The following ADARB2 variants were observed in gnomAD, a reference collection of about 807,000 sequenced individuals.
ADARB2 encodes adenosine deaminase RNA specific B2 (inactive).
Under a neutral mutation model 62.2 loss-of-function variants are expected in ADARB2, and 25 were observed. The observed-to-expected ratio is 0.40, with a 90% confidence interval of 0.29 to 0.56. The LOEUF is 0.56. Among genes scored for constraint, ADARB2 ranks in the 20% least tolerant of loss-of-function variants. The pLI is 0.43. For missense variants in ADARB2, 1,071 were observed against 1,077.4 expected, an observed-to-expected ratio of 0.99 and a Z score of 0.08; for synonymous variants, 572 against 500.8, an observed-to-expected ratio of 1.14 and a Z score of -1.90.
At position 1,181,878 on chromosome 10, in the gene ADARB2, T is replaced by G. The variant is rs1400695110; in HGVS notation, c.*1315A>C. 1 of 152,214 alleles carries G rather than the reference T, an allele frequency of 6.6e-6. No individual in the cohort carries two copies. The allele number at this position is 152,214 out of a possible 1,614,324, so 9.4% of individuals were successfully genotyped here. On this transcript the variant is annotated 3_prime_UTR_variant, in exon 10 of 10. Coordinates refer to ENST00000381312, the MANE Select transcript of ADARB2 (RefSeq NM_018702.4). ...TGACAGCAGCTCGAGGTACATGGATTACGTAAAGATACTTGGAAAAGAGCC... is the reference window on the plus strand; with the variant it reads ...TGACAGCAGCTCGAGGTACATGGATGACGTAAAGATACTTGGAAAAGAGCC...
chr10:1,319,513 A>G (rs1272777471), intron 3 of ADARB2, among the ~76,000 whole-genome samples: 1 of 152,258 alleles, frequency 6.6e-6, no homozygotes, highest in Non-Finnish European at 1.5e-5. Context: ...AGACATATTC[A>G]GATAATAGCT....
intron 4 of ADARB2, among the ~76,000 whole-genome samples, chr10:1,257,614 A>C (rs1396467048): frequency 7.2e-5 from 11 of 152,244 alleles, no homozygotes; most frequent in African/African-American, 2.4e-4. Context: ...GGAGCAGCAG[A>C]AGGAGACACA....
intron 1 of ADARB2, among the ~76,000 whole-genome samples, chr10:1,526,001 A>G (rs1832136831): frequency 6.6e-6 from 1 of 152,162 alleles, no homozygotes; most frequent in Non-Finnish European, 1.5e-5. Context: ...GTGCATGTGC[A>G]TGTATGCACG....
chr10:1,448,709 A>T (rs1830999944), intron 1 of ADARB2, among the ~76,000 whole-genome samples: 1 of 152,228 alleles, frequency 6.6e-6, no homozygotes, highest in African/African-American at 2.4e-5. Flanking sequence ...TCAGTCCAGC[A>T]GCTAAGCAGG....
rs1491382348 is a variant in ADARB2, at chr10:1,229,825, T to TGCACG, written c.1513+3868_1513+3869insCGTGC. 3.5e-5 allele frequency among the ~76,000 whole-genome samples: 5 copies of TGCACG among 144,866 alleles called. No homozygotes were observed. In the Admixed American group the frequency reaches 3.5e-4, roughly 10 times the overall value. ...GTGCGTGTACATGTACTTATGTATG[T>TGCACG]TTTTGTGCACATGTGCTTACGTGTG... On this transcript the variant is annotated intron_variant, in intron 6 of 9. Transcript: ENST00000381312.
chr10:1,363,359 G>A lies in ADARB2; in HGVS notation c.746C>T (p.Ala249Val), dbSNP rs1832279770. The change falls in exon 3 of 10, where the codon GCG becomes GTG. Residue 249 changes from alanine (A) to valine (V), a missense_variant. Coordinates refer to ENST00000381312, the MANE Select transcript of ADARB2 (RefSeq NM_018702.4). ...GRPGDAALLS[A>V]AYGRRRLLCR... ...CAGCAGCCGCCGTCGCCCGTAGGCC[G>A]CGGACAGAAGCGCGGCGTCCCCGGG... 1.5e-6 allele frequency: 2 copies of A among 1,297,644 alleles called. No individual in the cohort carries two copies. Among genetic ancestry groups the A allele is most frequent in the Non-Finnish European group, 2.0e-6 (2 of 1,023,418 alleles). The allele number at this position is 1,297,644 out of a possible 1,614,324, so 80.4% of individuals were successfully genotyped here.
intron 1 of ADARB2, among the ~76,000 whole-genome samples, chr10:1,600,735 G>A (rs897718258): frequency 3.2e-4 from 48 of 148,328 alleles, no homozygotes; most frequent in Admixed American, 1.1e-3. Flanking sequence ...TAGCTGCTCC[G>A]ACTAGAAGGA....
intron 8 of ADARB2, among the ~76,000 whole-genome samples, chr10:1,198,402 C>T (rs1338139475): frequency 1.3e-5 from 2 of 152,222 alleles, no homozygotes; most frequent in African/African-American, 2.4e-5. Flanking sequence ...CTCTCTCTCT[C>T]TTTCTTTTGG....
chr10:1,598,710 G>A (rs964915485), intron 1 of ADARB2, among the ~76,000 whole-genome samples: 4 of 152,242 alleles, frequency 2.6e-5, no homozygotes, highest in Non-Finnish European at 5.9e-5. Context: ...GAGAGCTGGC[G>A]TGGGGACACG....
chr10:1,474,977 T>G (rs1466685833), intron 1 of ADARB2, among the ~76,000 whole-genome samples: 1 of 152,090 alleles, frequency 6.6e-6, no homozygotes, highest in Non-Finnish European at 1.5e-5. Flanking sequence ...GAGAGCTGCC[T>G]GTGAATCTAT....
At chr10:1,591,026 G>A (rs1833245248) in intron 1 of ADARB2, among the ~76,000 whole-genome samples, 1 of 152,246 alleles carries the variant, frequency 6.6e-6, no homozygotes, top group South Asian at 2.1e-4. Context: ...GCAAACAGGT[G>A]CAATTTCTAT....
At chr10:1,368,199 A>G (rs4614361) in intron 2 of ADARB2, among the ~76,000 whole-genome samples, 47,138 of 148,538 alleles carry the variant, frequency 0.32, 7,691 homozygotes, top group Middle Eastern at 0.44. Context: ...GACCCTGGGC[A>G]AGTCACTCAG....
At chr10:1,432,984 G>T (rs1297250579) in intron 1 of ADARB2, among the ~76,000 whole-genome samples, 1 of 152,084 alleles carries the variant, frequency 6.6e-6, no homozygotes, top group African/African-American at 2.4e-5. Flanking sequence ...AGGTGAAGAT[G>T]AACCTGGCTG....
chr10:1,354,558 G>A (rs1832175738), intron 3 of ADARB2, among the ~76,000 whole-genome samples: 1 of 152,204 alleles, frequency 6.6e-6, no homozygotes, highest in Non-Finnish European at 1.5e-5. Flanking sequence ...TCCCTTCACA[G>A]GTACGTGCAT....
intron 1 of ADARB2, among the ~76,000 whole-genome samples, chr10:1,623,068 A>C (rs1477238124): frequency 6.6e-6 from 1 of 152,220 alleles, no homozygotes; most frequent in African/African-American, 2.4e-5. Flanking sequence ...AGGAGTTGGA[A>C]GGAAGACGTG....
intron 7 of ADARB2, among the ~76,000 whole-genome samples, chr10:1,209,339 ACCCATG>A (rs1383996941): frequency 1.3e-5 from 2 of 150,526 alleles, no homozygotes; most frequent in African/African-American, 2.5e-5. Context: ...CATCACCCAC[ACCCATG>A]CCCATGCCTA....
At chr10:1,220,312 G>A (rs1415013093) in intron 6 of ADARB2, among the ~76,000 whole-genome samples, 4 of 101,080 alleles carry the variant, frequency 4.0e-5, no homozygotes, top group South Asian at 3.5e-4. Context: ...GGTGATGGTG[G>A]TAATGGTGAT....
At chr10:1,725,657 C>T (rs550246694) in intron 1 of ADARB2, among the ~76,000 whole-genome samples, 21 of 152,386 alleles carry the variant, frequency 1.4e-4, no homozygotes, top group African/African-American at 4.3e-4. Flanking sequence ...GGAGCAAAGA[C>T]ATTCACTTCC....
At chr10:1,721,823 G>A (rs76972111) in intron 1 of ADARB2, among the ~76,000 whole-genome samples, 19,766 of 152,066 alleles carry the variant, frequency 0.13, 1,637 homozygotes, top group Non-Finnish European at 0.18. Flanking sequence ...TGCTCCTGGG[G>A]TCCACAGGAC....
Sources: allele counts gnomAD v4.1 joint callset (sites outside exome capture counted in the v4.1 genomes callset), GRCh38; gene constraint gnomAD v4.1.1; transcripts MANE v1.5; gene names NCBI Gene and HGNC (gene_info 2026-07-23, HGNC 2026-07-21).